Variants in HPSE2 observed in about 807,000 individuals in gnomAD.
HPSE2 encodes the protein inactive heparanase-2.
In HPSE2, 38 loss-of-function variants were observed where a neutral mutation model predicts 60.5. The ratio of observed to expected loss-of-function variants is 0.63; its 90% CI spans 0.48 to 0.82. The LOEUF is 0.82. HPSE2 is among the 40% of genes least tolerant of loss of function. The pLI, the probability that HPSE2 is intolerant of heterozygous loss-of-function variation, is 0.00. For missense variants in HPSE2, 713 were observed against 740.4 expected (o/e 0.96, Z 0.43); for synonymous variants, 295 against 293.2 (o/e 1.01, Z -0.06).
At chr10:98,651,568 TA>T (rs1395821915) in intron 6 of HPSE2, among the ~76,000 whole-genome samples, 1 of 152,144 alleles carries the variant, frequency 6.6e-6, no homozygotes, top group Non-Finnish European at 1.5e-5. Context: ...TAAAATATCG[TA>T]TTTTTTTTCC....
intron 3 of HPSE2, among the ~76,000 whole-genome samples, chr10:98,975,977 C>T (rs988561953): frequency 6.6e-6 from 1 of 152,070 alleles, no homozygotes; most frequent in Non-Finnish European, 1.5e-5. Context: ...GTATTTTCCC[C>T]GCTCATAACA....
chr10:99,141,543 G>T lies in HPSE2; in HGVS notation c.610+2695C>A, dbSNP rs542158287. On this transcript the variant is annotated intron_variant, in intron 3 of 11. Coordinates refer to ENST00000370552, the MANE Select transcript of HPSE2 (RefSeq NM_021828.5). ...ACAATGTAATAAGGAATACTTCAACGAAGTATATATATTAAATTGTATTAG... is the reference window on the plus strand; with the variant it reads ...ACAATGTAATAAGGAATACTTCAACTAAGTATATATATTAAATTGTATTAG... Among the ~76,000 whole-genome samples the T allele has an allele frequency of 2.6e-5, 4 of 152,230 alleles. No individual in the cohort carries two copies. In the East Asian group the frequency reaches 7.7e-4, roughly 29 times the overall value.
chr10:98,607,748 C>CATG (rs1431715845), intron 9 of HPSE2, among the ~76,000 whole-genome samples: 2 of 152,144 alleles, frequency 1.3e-5, no homozygotes, highest in African/African-American at 4.8e-5. Context: ...CTTTAGTCAT[C>CATG]ATTGCTTGAA....
chr10:98,642,310 A>C (rs1946659940), intron 6 of HPSE2, among the ~76,000 whole-genome samples: 1 of 152,226 alleles, frequency 6.6e-6, no homozygotes, highest in South Asian at 2.1e-4. Context: ...CCCACCTTAA[A>C]GTAATAAAGG....
intron 5 of HPSE2, among the ~76,000 whole-genome samples, chr10:98,721,402 C>T (rs1392052258): frequency 2.6e-5 from 4 of 151,958 alleles, no homozygotes; most frequent in African/African-American, 9.7e-5. Context: ...AACAATGTTT[C>T]CTTTCCAACC....
chr10:98,819,907 G>A (rs1951384806), intron 3 of HPSE2, among the ~76,000 whole-genome samples: 1 of 152,064 alleles, frequency 6.6e-6, no homozygotes, highest in African/African-American at 2.4e-5. Flanking sequence ...GGACATGGAT[G>A]GAGATTTATA....
chr10:99,305,961 A>ATACGCGCGTGCGCG, the HPSE2 span, among the ~76,000 whole-genome samples: 5 of 103,064 alleles, frequency 4.9e-5, no homozygotes, highest in Admixed American at 1.9e-4. Context: ...ACTCACACAC[A>ATACGCGCGTGCGCG]CGCGCGCGCG....
At chr10:98,829,931 T>C (rs1376541436) in intron 3 of HPSE2, among the ~76,000 whole-genome samples, 2 of 152,180 alleles carry the variant, frequency 1.3e-5, no homozygotes, top group Non-Finnish European at 1.5e-5. Flanking sequence ...GTTACATAGG[T>C]ATATGTGTGC....
chr10:98,732,510 G>T (rs1949252214), intron 4 of HPSE2, among the ~76,000 whole-genome samples: 1 of 151,842 alleles, frequency 6.6e-6, no homozygotes, highest in Non-Finnish European at 1.5e-5. Context: ...TTTTTACAAA[G>T]GTGCCAAGAT....
At chr10:98,763,252 G>C (rs1205853096) in intron 3 of HPSE2, among the ~76,000 whole-genome samples, 1 of 150,984 alleles carries the variant, frequency 6.6e-6, no homozygotes, top group Non-Finnish European at 1.5e-5. Flanking sequence ...AGAAAAGAAA[G>C]ACATTACTAC....
chr10:99,243,760 A>T, the HPSE2 span, among the ~76,000 whole-genome samples: 105 of 152,106 alleles, frequency 6.9e-4, no homozygotes, highest in African/African-American at 2.4e-3. Flanking sequence ...ACAAGGCAAA[A>T]CCCCATCTCT....
intron 7 of HPSE2, among the ~76,000 whole-genome samples, chr10:98,630,167 A>G (rs944548023): frequency 6.6e-6 from 1 of 150,994 alleles, no homozygotes; most frequent in Non-Finnish European, 1.5e-5. Context: ...CTACTTTTCA[A>G]CTACACGAAG....
At chr10:98,751,467 C>T (rs1034640966) in intron 3 of HPSE2, among the ~76,000 whole-genome samples, 8 of 152,158 alleles carry the variant, frequency 5.3e-5, no homozygotes, top group African/African-American at 1.2e-4. Flanking sequence ...TCTAATACCC[C>T]TTTGTGACTA....
chr10:98,505,422 G>A (rs549717709), intron 9 of HPSE2, among the ~76,000 whole-genome samples: 2 of 152,258 alleles, frequency 1.3e-5, no homozygotes, highest in Admixed American at 1.3e-4. Context: ...TCATATACAG[G>A]TATATGTATG....
chr10:98,758,033 T>C (rs761014814), intron 3 of HPSE2, among the ~76,000 whole-genome samples: 3 of 151,866 alleles, frequency 2.0e-5, no homozygotes, highest in Non-Finnish European at 4.4e-5. Context: ...GAAATAAAGC[T>C]GCACATCTAC....
the HPSE2 span, among the ~76,000 whole-genome samples, chr10:99,307,277 C>T: frequency 5.3e-5 from 8 of 152,176 alleles, no homozygotes; most frequent in South Asian, 1.4e-3. Context: ...TCATATGTCT[C>T]GACCAGGATT....
intron 3 of HPSE2, among the ~76,000 whole-genome samples, chr10:99,025,511 A>G (rs1055191129): frequency 1.3e-5 from 2 of 152,180 alleles, no homozygotes; most frequent in African/African-American, 4.8e-5. Flanking sequence ...ATGGAATACT[A>G]CACAGCCATA....
At chr10:98,994,969 G>C (rs1233865020) in intron 3 of HPSE2, among the ~76,000 whole-genome samples, 4 of 152,180 alleles carry the variant, frequency 2.6e-5, no homozygotes, top group African/African-American at 7.2e-5. Flanking sequence ...GTGGGTCTAT[G>C]GTTTCTCATG....
At chr10:99,083,563 T>A (rs1377890895) in intron 3 of HPSE2, among the ~76,000 whole-genome samples, 2 of 152,238 alleles carry the variant, frequency 1.3e-5, no homozygotes, top group Admixed American at 1.3e-4. Flanking sequence ...CAATTTACAG[T>A]GGGCTTCTAA....
Sources: allele counts gnomAD v4.1 joint callset (sites outside exome capture counted in the v4.1 genomes callset), GRCh38; gene constraint gnomAD v4.1.1; transcripts MANE v1.5; gene names NCBI Gene and HGNC (gene_info 2026-07-23, HGNC 2026-07-21).